CFAP61: variants seen among roughly 807,000 people sequenced by gnomAD.
CFAP61 encodes cilia- and flagella-associated protein 61.
In CFAP61, 107 loss-of-function variants were observed where a neutral mutation model predicts 135.6. That is an observed-to-expected ratio of 0.79 (90% CI 0.67 to 0.93). The LOEUF (loss-of-function observed/expected upper bound fraction) is 0.93. Ranked by LOEUF, CFAP61 falls within the 40% of genes least tolerant of loss-of-function variation. The probability of loss-of-function intolerance (pLI) is 0.00; values close to 1 mark genes in which losing one functional copy is unlikely to be tolerated. For missense variants in CFAP61, 1,507 were observed against 1,556.2 expected (o/e 0.97, Z 0.53); for synonymous variants, 575 against 578.5 (o/e 0.99, Z 0.09).
At chr20:20,337,925 C>T (rs569104065) in intron 25 of CFAP61, among the ~76,000 whole-genome samples, 3 of 152,296 alleles carry the variant, frequency 2.0e-5, no homozygotes, top group East Asian at 1.9e-4. Context: ...GAGCTGACAG[C>T]TGCCACACGA....
At chr20:20,074,264 G>A in intron 3 of CFAP61, 38 bp from the exon 4 acceptor site, 2 of 1,579,700 alleles carry the variant, frequency 1.3e-6, no homozygotes, top group Non-Finnish European at 1.7e-6. Flanking sequence ...CCCGAATACT[G>A]ACTCAGCCTT....
intron 21 of CFAP61, chr20:20,265,479 G>C: frequency 1.3e-6 from 1 of 779,748 alleles, no homozygotes; most frequent in African/African-American, 1.7e-5. Flanking sequence ...TGATGCTGTG[G>C]TGCCCCCTTA....
At chr20:20,312,645 TATCATA>T (rs1230964488) in intron 25 of CFAP61, among the ~76,000 whole-genome samples, 2 of 152,124 alleles carry the variant, frequency 1.3e-5, no homozygotes, top group East Asian at 1.9e-4. Context: ...TGCCAAGGCA[TATCATA>T]ATCAAACTAC....
At chr20:20,268,149 C>T (rs7265477) in intron 21 of CFAP61, among the ~76,000 whole-genome samples, 1,859 of 152,332 alleles carry the variant, frequency 0.012, 34 homozygotes, top group African/African-American at 0.041. Flanking sequence ...TTTACTCCCT[C>T]AGTGCTAATT....
chr20:20,301,774 A>G (rs988649811), intron 25 of CFAP61, among the ~76,000 whole-genome samples: 1 of 152,166 alleles, frequency 6.6e-6, no homozygotes, highest in Admixed American at 6.5e-5. Context: ...TTGGTTATAT[A>G]TTTTTAACCA....
intron 16 of CFAP61, among the ~76,000 whole-genome samples, chr20:20,198,839 G>A (rs2056452331): frequency 6.6e-6 from 1 of 152,186 alleles, no homozygotes; most frequent in Non-Finnish European, 1.5e-5. Context: ...AAAAGTCATA[G>A]GTAAACCATC....
chr20:20,054,410 T>TACACACACAC (rs1246613690), intron 1 of CFAP61, among the ~76,000 whole-genome samples: 37 of 132,736 alleles, frequency 2.8e-4, no homozygotes, highest in African/African-American at 1.1e-3. Context: ...TATATATATA[T>TACACACACAC]ATATACACAC....
chr20:20,115,701 A>G (rs1392165264), intron 8 of CFAP61, among the ~76,000 whole-genome samples: 1 of 152,054 alleles, frequency 6.6e-6, no homozygotes, highest in African/African-American at 2.4e-5. Context: ...TTGTCTTTCT[A>G]TGCTTAGCTT....
chr20:20,168,189 A>G (rs371211764), intron 12 of CFAP61, among the ~76,000 whole-genome samples: 5 of 152,122 alleles, frequency 3.3e-5, no homozygotes, highest in African/African-American at 1.2e-4. Flanking sequence ...TTCCTGCCTC[A>G]GCCTCCCAAA....
At chr20:20,333,811 G>T (rs1457933407) in intron 25 of CFAP61, among the ~76,000 whole-genome samples, 1 of 152,190 alleles carries the variant, frequency 6.6e-6, no homozygotes, top group African/African-American at 2.4e-5. Flanking sequence ...CCTGATGAAG[G>T]CACAGAAGGT....
chr20:20,179,965 C>T (rs556240701), intron 13 of CFAP61, among the ~76,000 whole-genome samples: 1 of 152,140 alleles, frequency 6.6e-6, no homozygotes, highest in South Asian at 2.1e-4. Flanking sequence ...TAGGAATGGG[C>T]AAAGGTGTCA....
intron 8 of CFAP61, among the ~76,000 whole-genome samples, chr20:20,139,621 C>A (rs1020969587): frequency 6.6e-6 from 1 of 152,174 alleles, no homozygotes. Flanking sequence ...CCTCGCAAGA[C>A]CCCAGAGACA....
intron 21 of CFAP61, among the ~76,000 whole-genome samples, chr20:20,267,329 G>A (rs2052844394): frequency 6.6e-6 from 1 of 152,186 alleles, no homozygotes; most frequent in Non-Finnish European, 1.5e-5. Flanking sequence ...AGACACTGGC[G>A]GGCCGCAAGC....
chr20:20,313,845 A>T (rs370750633), intron 25 of CFAP61, among the ~76,000 whole-genome samples: 1 of 152,196 alleles, frequency 6.6e-6, no homozygotes, highest in South Asian at 2.1e-4. Flanking sequence ...ACGTCATAAC[A>T]TGGTGGGGAA....
At chr20:20,325,713 C>A (rs1337048930) in intron 25 of CFAP61, among the ~76,000 whole-genome samples, 1 of 152,180 alleles carries the variant, frequency 6.6e-6, no homozygotes, top group Non-Finnish European at 1.5e-5. Flanking sequence ...GTTTTCAACT[C>A]TTTTGGGACT....
At chr20:20,260,006 A>C (rs2052023203) in intron 20 of CFAP61, among the ~76,000 whole-genome samples, 1 of 152,218 alleles carries the variant, frequency 6.6e-6, no homozygotes, top group Non-Finnish European at 1.5e-5. Context: ...ACTTCATTAA[A>C]TATAACCAAG....
chr20:20,151,743 T>C (rs910495650), intron 9 of CFAP61, among the ~76,000 whole-genome samples: 1 of 142,732 alleles, frequency 7.0e-6, no homozygotes, highest in African/African-American at 2.6e-5. Context: ...GGTGGGAGAA[T>C]GGCGTGAACC....
chr20:20,154,304 G>T (rs760678802), intron 9 of CFAP61, among the ~76,000 whole-genome samples: 1 of 152,014 alleles, frequency 6.6e-6, no homozygotes, highest in Non-Finnish European at 1.5e-5. Context: ...ACAAGACGAG[G>T]ATGCACATTT....
intron 25 of CFAP61, among the ~76,000 whole-genome samples, chr20:20,300,438 T>C (rs1218602736): frequency 6.6e-6 from 1 of 152,164 alleles, no homozygotes; most frequent in Non-Finnish European, 1.5e-5. Flanking sequence ...GACAGTGATA[T>C]TGATGATCCT....
Sources: gnomAD v4.1 joint callset for allele counts (sites outside exome capture counted in the v4.1 genomes callset) on GRCh38, gnomAD v4.1.1 for gene constraint, MANE v1.5 for transcripts, NCBI Gene and HGNC (gene_info 2026-07-23, HGNC 2026-07-21) for gene names.